Variants in PRELID3A observed in about 807,000 individuals in gnomAD.
PRELID3A encodes the protein PRELI domain containing protein 3A.
In PRELID3A, 27 loss-of-function variants were observed where a neutral mutation model predicts 23.0. The ratio of observed to expected loss-of-function variants is 1.17; its 90% CI spans 0.87 to 1.62. The LOEUF is 1.62. Among genes scored for constraint, PRELID3A ranks in the 40% most tolerant of loss-of-function variants. The pLI is 0.00. For missense variants in PRELID3A, 231 were observed against 231.4 expected (o/e 1.00, Z 0.01); for synonymous variants, 87 against 86.4 (o/e 1.01, Z -0.04).
intron 1 of PRELID3A, among the ~76,000 whole-genome samples, chr18:12,414,541 C>T (rs949931269): frequency 1.3e-5 from 2 of 152,202 alleles, no homozygotes; most frequent in Non-Finnish European, 2.9e-5. Context: ...GCCTAGTCAA[C>T]ATGGTGAACC....
chr18:12,421,388 C>T, intron 2 of PRELID3A, 152 bp from the exon 3 acceptor site: 2 of 621,838 alleles, frequency 3.2e-6, no homozygotes, highest in South Asian at 2.0e-5. Context: ...GCGGAAGCGC[C>T]CTGGACACAG....
Position 12,409,066 on chromosome 18 carries a change from GAAA to G in PRELID3A, c.32+1064_32+1066del, listed in dbSNP as rs951192669. Among the ~76,000 whole-genome samples the G allele has an allele frequency of 2.0e-5, 3 of 149,918 alleles. No individual in the cohort carries two copies. The East Asian group carries it at 5.9e-4, about 29-fold the overall frequency. On this transcript the variant is annotated intron_variant, in intron 1 of 6. Coordinates refer to ENST00000440960, the MANE Select transcript of PRELID3A (RefSeq NM_001142405.2). The stretch of plus-strand genomic sequence containing the variant: ...AGCATTAAATATTTTATTTTGGGGG[GAAA>G]AAAAGTACTGCGTGGAAGGAAATTG...
intron 3 of PRELID3A, 70 bp downstream of exon 3, chr18:12,421,699 A>C (rs2030188069): frequency 9.8e-7 from 1 of 1,016,866 alleles, no homozygotes; most frequent in African/African-American, 1.6e-5. Flanking sequence ...CCTTCGTTTA[A>C]TTCTATTTCC....
At chr18:12,428,982 G>A (rs544399600) in intron 5 of PRELID3A, among the ~76,000 whole-genome samples, 7 of 152,288 alleles carry the variant, frequency 4.6e-5, no homozygotes, top group African/African-American at 7.2e-5. Flanking sequence ...TGGAAACAGC[G>A]GAGCGGCCTG....
rs1008538540 is a variant in PRELID3A at position 12,424,363 on chromosome 18, A to G, written c.292-2678A>G. Reference sequence around the variant, plus strand: ...CGCTGGATGGCCCGATGACTTGGGGATGCTATTTACATTTTCTGAGTCTCA... The same window carrying G: ...CGCTGGATGGCCCGATGACTTGGGGGTGCTATTTACATTTTCTGAGTCTCA... On this transcript the variant is annotated intron_variant, in intron 3 of 6. Coordinates refer to ENST00000440960, the MANE Select transcript of PRELID3A (RefSeq NM_001142405.2). 4.6e-5 allele frequency among the ~76,000 whole-genome samples: 7 copies of G among 152,218 alleles called. 1 individual carries two copies. The highest frequency in any genetic ancestry group is 3.9e-4 in the Admixed American group (6 of 15,270).
At chr18:12,430,583 G>A (rs1196853547) in intron 6 of PRELID3A, among the ~76,000 whole-genome samples, 3 of 149,440 alleles carry the variant, frequency 2.0e-5, no homozygotes, top group Non-Finnish European at 4.5e-5. Flanking sequence ...CATGTGTGCT[G>A]TGTGATGTGT....
chr18:12,430,690 T>C lies in PRELID3A; in HGVS notation c.*34-460T>C, dbSNP rs1242019404. 2.8e-5 allele frequency among the ~76,000 whole-genome samples: 4 copies of C among 143,072 alleles called. No individual in the cohort carries two copies. In the East Asian group the frequency reaches 6.2e-4, roughly 22 times the overall value. 93.9% of individuals were successfully genotyped at this position (143,072 alleles called of 152,430 possible). On this transcript the variant is annotated intron_variant, in intron 6 of 6. Coordinates refer to ENST00000440960, the MANE Select transcript of PRELID3A (RefSeq NM_001142405.2). ...TTGTATGATGTGTATGTGATTGGTG[T>C]GTGCTGTGTGTGAATGTGTGTATAG...
At chr18:12,419,383 C>A (rs1246553653) in intron 1 of PRELID3A, among the ~76,000 whole-genome samples, 6 of 145,890 alleles carry the variant, frequency 4.1e-5, no homozygotes, top group Non-Finnish European at 6.0e-5. Flanking sequence ...AATCCCAGCA[C>A]TTTGGGAGGC....
At chr18:12,421,702 C>G in intron 3 of PRELID3A, 73 bp downstream of exon 3, 1 of 960,178 alleles carries the variant, frequency 1.0e-6, no homozygotes, top group Non-Finnish European at 1.7e-6. Context: ...TCGTTTAATT[C>G]TATTTCCAGC....
At chr18:12,430,754 GC>G (rs764186050) in intron 6 of PRELID3A, among the ~76,000 whole-genome samples, 1 of 97,188 alleles carries the variant, frequency 1.0e-5, no homozygotes, top group Admixed American at 1.0e-4. Context: ...TGGTGTGTGT[GC>G]ATGTGTGTGA....
At chr18:12,427,994 G>T (rs1197282359) in intron 5 of PRELID3A, among the ~76,000 whole-genome samples, 1 of 152,162 alleles carries the variant, frequency 6.6e-6, no homozygotes, top group Non-Finnish European at 1.5e-5. Flanking sequence ...GAAATACAAG[G>T]TGTTAACAGT....
intron 3 of PRELID3A, among the ~76,000 whole-genome samples, chr18:12,424,881 C>T (rs746129672): frequency 3.2e-4 from 48 of 152,316 alleles, no homozygotes; most frequent in Non-Finnish European, 6.3e-4. Flanking sequence ...CGCCTGTAAT[C>T]CCAGCACTTT....
At chr18:12,427,013 C>G (rs1484127454) in intron 3 of PRELID3A, 28 bp from the exon 4 acceptor site, 1 of 1,555,772 alleles carries the variant, frequency 6.4e-7, no homozygotes, top group African/African-American at 1.4e-5. Flanking sequence ...AAGAGAAATA[C>G]AATCTAAACC....
intron 3 of PRELID3A, 144 bp downstream of exon 3, chr18:12,421,773 A>T: frequency 1.6e-6 from 1 of 615,950 alleles, no homozygotes; most frequent in Non-Finnish European, 2.9e-6. Context: ...TTAGCAGTTT[A>T]TCTTTTTATT....
chr18:12,420,176 C>T (rs1197448291), intron 1 of PRELID3A, 149 bp from the exon 2 acceptor site: 2 of 1,432,396 alleles, frequency 1.4e-6, no homozygotes, highest in East Asian at 2.5e-5. Context: ...GGGGAGGGCT[C>T]GCGGGACTCC....
rs768150708 is a variant in PRELID3A, at chr18:12,427,032, CTTTTT to C, written c.292-8_292-4del. 2 of 1,598,798 alleles carry C rather than the reference CTTTTT, an allele frequency of 1.3e-6. No individual in the cohort carries two copies. The highest frequency in any genetic ancestry group is 1.7e-6 in the Non-Finnish European group (2 of 1,169,074). On this transcript the variant is annotated splice_polypyrimidine_tract_variant and splice_region_variant and intron_variant, in intron 3 of 6. Transcript: ENST00000440960. ...GAAATACAATCTAAACCTTTTTTTT[CTTTTT>C]AAGATCACACTCACAAATTTGGTGT...
chr18:12,432,128 T>G lies in PRELID3A; in HGVS notation c.*1012T>G, dbSNP rs1020061235. 6.6e-6 allele frequency: 1 copy of G among 152,254 alleles called. No individual in the cohort carries two copies. Among genetic ancestry groups the G allele is most frequent in the African/African-American group, 2.4e-5 (1 of 41,474 alleles). The allele number at this position is 152,254 out of a possible 1,614,324, so 9.4% of individuals were successfully genotyped here. On this transcript the variant is annotated 3_prime_UTR_variant, in exon 7 of 7. Coordinates refer to ENST00000440960, the MANE Select transcript of PRELID3A (RefSeq NM_001142405.2). The stretch of plus-strand genomic sequence containing the variant: ...GTAAAGGCCTCCCGCAAGCTGCCAG[T>G]CGGCTCTTTTTCGCAAAGCCTTCCA...
At chr18:12,415,892 C>T (rs189436827) in intron 1 of PRELID3A, among the ~76,000 whole-genome samples, 35 of 152,318 alleles carry the variant, frequency 2.3e-4, no homozygotes, top group African/African-American at 8.4e-4. Context: ...ACTTGGGACA[C>T]GTGTATGTGG....
chr18:12,425,000 G>A (rs988865732), intron 3 of PRELID3A, among the ~76,000 whole-genome samples: 11 of 151,912 alleles, frequency 7.2e-5, no homozygotes, highest in Non-Finnish European at 1.3e-4. Flanking sequence ...AAAATTAGCC[G>A]GGCATGGTGG....
Sources: gnomAD v4.1 joint callset for allele counts (sites outside exome capture counted in the v4.1 genomes callset) on GRCh38, gnomAD v4.1.1 for gene constraint, MANE v1.5 for transcripts, NCBI Gene and HGNC (gene_info 2026-07-23, HGNC 2026-07-21) for gene names.